The following RCSD1 variants were observed in gnomAD, a reference collection of about 807,000 sequenced individuals.
RCSD1 encodes capZ-interacting protein.
Under a neutral mutation model 42.5 loss-of-function variants are expected in RCSD1, and 26 were observed. The ratio of observed to expected loss-of-function variants is 0.61; its 90% CI spans 0.45 to 0.85. The LOEUF (loss-of-function observed/expected upper bound fraction) is 0.85. RCSD1 is among the 40% of genes least tolerant of loss of function. RCSD1 has a pLI of 0.00. For missense variants in RCSD1, 571 were observed against 528.3 expected (o/e 1.08, Z -0.79); for synonymous variants, 220 against 212.2 (o/e 1.04, Z -0.32).
intron 1 of RCSD1, among the ~76,000 whole-genome samples, chr1:167,650,226 T>C (rs1658268269): frequency 1.3e-5 from 2 of 152,304 alleles, no homozygotes; most frequent in South Asian, 4.1e-4. Flanking sequence ...TCCACTGTGT[T>C]TTGGAAAACA....
intron 1 of RCSD1, among the ~76,000 whole-genome samples, 190 bp from the exon 2 acceptor site, chr1:167,683,710 G>A (rs1659141926): frequency 6.6e-6 from 1 of 152,220 alleles, no homozygotes; most frequent in Non-Finnish European, 1.5e-5. Flanking sequence ...CCCGGGCCAA[G>A]AGCATTGTAG....
chr1:167,698,575 C>G (rs1450520137), intron 6 of RCSD1, among the ~76,000 whole-genome samples: 3 of 152,126 alleles, frequency 2.0e-5, no homozygotes, highest in Non-Finnish European at 4.4e-5. Flanking sequence ...TGTCTGCTCC[C>G]CACCAGCTCC....
At chr1:167,661,635 T>G (rs1481778891) in intron 1 of RCSD1, among the ~76,000 whole-genome samples, 1 of 152,216 alleles carries the variant, frequency 6.6e-6, no homozygotes, top group Non-Finnish European at 1.5e-5. Flanking sequence ...AGGAAGTGGA[T>G]GTGGATGTGC....
At chr1:167,693,885 C>G (rs1428616874) in intron 4 of RCSD1, among the ~76,000 whole-genome samples, 1 of 149,704 alleles carries the variant, frequency 6.7e-6, no homozygotes, top group Non-Finnish European at 1.5e-5. Flanking sequence ...TGGAATGCAG[C>G]CTGTGGCAAG....
chr1:167,669,671 A>G (rs923371269), intron 1 of RCSD1, among the ~76,000 whole-genome samples: 3 of 152,132 alleles, frequency 2.0e-5, no homozygotes, highest in Admixed American at 1.3e-4. Flanking sequence ...ATTATCATTG[A>G]TTTCTTCTGC....
chr1:167,631,175 C>T lies in RCSD1; in HGVS notation c.6+746C>T, dbSNP rs1657687975. ...GCTGAGAGGAGGTCCGGGGACTTTC[C>T]TTGTTCTGTTCCAACCTCAGCAGAG... On this transcript the variant is annotated intron_variant, in intron 1 of 6. Transcript: ENST00000367854. Among the ~76,000 whole-genome samples, 3 of 152,248 alleles carry T rather than the reference C, an allele frequency of 2.0e-5. No homozygotes were observed. The South Asian group carries it at 6.2e-4, about 31-fold the overall frequency.
chr1:167,653,039 A>G (rs908365347), intron 1 of RCSD1, among the ~76,000 whole-genome samples: 5 of 152,248 alleles, frequency 3.3e-5, no homozygotes, highest in African/African-American at 1.2e-4. Context: ...AGAATTAATC[A>G]AAGTGTAATG....
At chr1:167,661,985 C>G (rs1449857607) in intron 1 of RCSD1, among the ~76,000 whole-genome samples, 21 of 152,162 alleles carry the variant, frequency 1.4e-4, no homozygotes, top group Admixed American at 1.4e-3. Context: ...TGTATGTTAA[C>G]CTCTGCTTAG....
At chr1:167,692,916 G>A (rs992607637) in intron 4 of RCSD1, among the ~76,000 whole-genome samples, 1 of 152,094 alleles carries the variant, frequency 6.6e-6, no homozygotes, top group Admixed American at 6.6e-5. Flanking sequence ...AGCTGGGAGG[G>A]AGAGGGTGTG....
chr1:167,676,996 C>T (rs1455353567), intron 1 of RCSD1, among the ~76,000 whole-genome samples: 2 of 152,196 alleles, frequency 1.3e-5, no homozygotes, highest in Non-Finnish European at 2.9e-5. Context: ...TCCCTGGGAG[C>T]CAGTTGCAGA....
chr1:167,646,537 A>G (rs1335147033), intron 1 of RCSD1, among the ~76,000 whole-genome samples: 1 of 141,258 alleles, frequency 7.1e-6, no homozygotes, highest in Non-Finnish European at 1.5e-5. Context: ...TTCTTTTTAT[A>G]TTACTTTAAG....
intron 5 of RCSD1, among the ~76,000 whole-genome samples, chr1:167,696,755 AT>A (rs907890555): frequency 3.3e-5 from 5 of 151,630 alleles, no homozygotes; most frequent in South Asian, 2.1e-4. Context: ...CCCGGCAAGA[AT>A]TTTTTTTTAA....
intron 1 of RCSD1, among the ~76,000 whole-genome samples, chr1:167,652,784 A>G (rs188316302): frequency 6.6e-6 from 1 of 152,300 alleles, no homozygotes; most frequent in Non-Finnish European, 1.5e-5. Flanking sequence ...CGTCATTTGT[A>G]ATGGTAGCAT....
chr1:167,643,736 C>A (rs547699599), intron 1 of RCSD1, among the ~76,000 whole-genome samples: 12 of 152,356 alleles, frequency 7.9e-5, no homozygotes, highest in African/African-American at 2.6e-4. Flanking sequence ...ATAATGATAA[C>A]ACCTACCTGC....
At chr1:167,636,584 T>G (rs1336658361) in intron 1 of RCSD1, among the ~76,000 whole-genome samples, 10 of 152,136 alleles carry the variant, frequency 6.6e-5, no homozygotes, top group African/African-American at 9.7e-5. Flanking sequence ...CTTTTTGTTT[T>G]TTTTTGTTTG....
intron 6 of RCSD1, among the ~76,000 whole-genome samples, chr1:167,698,997 A>C (rs139357158): frequency 0.02 from 3,062 of 151,622 alleles, 39 homozygotes; most frequent in Middle Eastern, 0.027. Flanking sequence ...GACGGGTTTC[A>C]CCGTGTTAGC....
intron 1 of RCSD1, among the ~76,000 whole-genome samples, chr1:167,650,792 G>A (rs185841332): frequency 5.9e-5 from 9 of 152,300 alleles, no homozygotes; most frequent in East Asian, 1.9e-4. Context: ...CGGAGTGTGC[G>A]TGGTACGATG....
chr1:167,696,372 A>G (rs1659497866), intron 5 of RCSD1, among the ~76,000 whole-genome samples: 1 of 152,134 alleles, frequency 6.6e-6, no homozygotes, highest in Non-Finnish European at 1.5e-5. Context: ...CAATATGTCA[A>G]TTTATGAGGA....
chr1:167,634,130 C>T (rs145343070), intron 1 of RCSD1, among the ~76,000 whole-genome samples: 25 of 152,316 alleles, frequency 1.6e-4, no homozygotes, highest in African/African-American at 5.5e-4. Context: ...CTTCCCCTCT[C>T]GGTCTGTAGC....
Sources: allele counts gnomAD v4.1 joint callset (sites outside exome capture counted in the v4.1 genomes callset), GRCh38; gene constraint gnomAD v4.1.1; transcripts MANE v1.5; gene names NCBI Gene and HGNC (gene_info 2026-07-23, HGNC 2026-07-21).